Variants in NPTN observed in about 807,000 individuals in gnomAD.
NPTN encodes the protein SDR-1.
NPTN carries 5 observed loss-of-function variants against 42.7 expected under a neutral mutation model. The observed-to-expected ratio is 0.12, with a 90% CI of 0.06 to 0.25. The LOEUF (loss-of-function observed/expected upper bound fraction) is 0.25. Ranked by LOEUF, NPTN falls within the 10% of genes least tolerant of loss-of-function variation. The probability of loss-of-function intolerance (pLI) is 1.00; values close to 1 mark genes in which losing one functional copy is unlikely to be tolerated. For missense variants in NPTN, 307 were observed against 525.4 expected (o/e 0.58, Z 4.06); for synonymous variants, 180 against 201.9 (o/e 0.89, Z 0.92).
intron 1 of NPTN, among the ~76,000 whole-genome samples, chr15:73,598,923 A>G (rs932174155): frequency 7.9e-5 from 12 of 152,226 alleles, no homozygotes; most frequent in African/African-American, 2.9e-4. Context: ...GACTAAGAAC[A>G]TTAATGGAGG....
chr15:73,615,583 T>C (rs1330269895), intron 1 of NPTN, among the ~76,000 whole-genome samples: 1 of 152,188 alleles, frequency 6.6e-6, no homozygotes, highest in African/African-American at 2.4e-5. Context: ...ACACATTTTA[T>C]CTTAGAAAGA....
At chr15:73,619,237 G>A (rs1898011931) in intron 1 of NPTN, among the ~76,000 whole-genome samples, 1 of 152,092 alleles carries the variant, frequency 6.6e-6, no homozygotes, top group Non-Finnish European at 1.5e-5. Context: ...TTAGATCATT[G>A]TCTTAATTAC....
intron 6 of NPTN, among the ~76,000 whole-genome samples, chr15:73,564,895 C>G (rs749736680): frequency 8.5e-5 from 13 of 152,198 alleles, no homozygotes; most frequent in Non-Finnish European, 1.6e-4. Context: ...ATACACCAAT[C>G]TACTCCCAAA....
At chr15:73,601,698 C>A (rs998289453) in intron 1 of NPTN, among the ~76,000 whole-genome samples, 2 of 152,228 alleles carry the variant, frequency 1.3e-5, no homozygotes, top group Non-Finnish European at 2.9e-5. Flanking sequence ...CTCTTCCCCA[C>A]CATCGTCTCC....
At chr15:73,605,388 AT>A (rs1469783331) in intron 1 of NPTN, among the ~76,000 whole-genome samples, 1 of 151,970 alleles carries the variant, frequency 6.6e-6, no homozygotes, top group African/African-American at 2.4e-5. Flanking sequence ...AAAAAAAAAA[AT>A]CTTACAAAAA....
intron 4 of NPTN, among the ~76,000 whole-genome samples, chr15:73,577,246 G>A (rs1895748874): frequency 1.3e-5 from 2 of 152,152 alleles, no homozygotes; most frequent in Non-Finnish European, 2.9e-5. Flanking sequence ...GTTACAAGGT[G>A]GTTCCACTCT....
At chr15:73,576,768 C>T (rs542833686) in intron 4 of NPTN, among the ~76,000 whole-genome samples, 21 of 152,294 alleles carry the variant, frequency 1.4e-4, no homozygotes, top group African/African-American at 4.8e-4. Context: ...ATCTGAGATT[C>T]TTCATGGAAC....
rs567410312 is a variant in NPTN at position 73,595,346 on chromosome 15, A to T, written c.439+1676T>A. ...AGGCGTGCAGGGTAAAAATATTGTT[A>T]AAAAAAAAATCACTGGGTTAATGTT... On this transcript the variant is annotated intron_variant, in intron 2 of 8. Transcript: ENST00000345330. Among the ~76,000 whole-genome samples, 3 of 143,644 alleles carry T rather than the reference A, an allele frequency of 2.1e-5. No individual in the cohort carries two copies. The East Asian group carries it at 5.8e-4, about 28-fold the overall frequency. The allele number at this position is 143,644 out of a possible 152,430, so 94.2% of individuals were successfully genotyped here.
intron 1 of NPTN, among the ~76,000 whole-genome samples, chr15:73,599,168 G>A (rs932227830): frequency 6.6e-6 from 1 of 152,048 alleles, no homozygotes; most frequent in Non-Finnish European, 1.5e-5. Context: ...TCAGATGCAG[G>A]AGAAGCTTTA....
chr15:73,605,636 G>A (rs1215801841), intron 1 of NPTN, among the ~76,000 whole-genome samples: 3 of 149,910 alleles, frequency 2.0e-5, no homozygotes, highest in African/African-American at 7.5e-5. Flanking sequence ...GCTGAGGCAG[G>A]AGAATGAGGT....
At chr15:73,596,877 G>A in intron 2 of NPTN, 145 bp downstream of exon 2, 2 of 680,284 alleles carry the variant, frequency 2.9e-6, no homozygotes, top group South Asian at 4.1e-5. Flanking sequence ...ACTACAACCA[G>A]AAGGGTCATG....
chr15:73,611,750 T>C (rs1013638650), intron 1 of NPTN, among the ~76,000 whole-genome samples: 7 of 152,132 alleles, frequency 4.6e-5, no homozygotes, highest in Admixed American at 4.6e-4. Flanking sequence ...TCCTAAACTG[T>C]GATCTTTGAG....
At chr15:73,629,286 T>A (rs183909612) in intron 1 of NPTN, among the ~76,000 whole-genome samples, 29 of 152,344 alleles carry the variant, frequency 1.9e-4, no homozygotes, top group African/African-American at 5.3e-4. Flanking sequence ...TTTCTTCTGG[T>A]CAAATCTTAT....
intron 4 of NPTN, among the ~76,000 whole-genome samples, chr15:73,583,142 A>G (rs1187824849): frequency 6.6e-6 from 1 of 152,232 alleles, no homozygotes; most frequent in Non-Finnish European, 1.5e-5. Flanking sequence ...CTTAAAGATG[A>G]GCTATCTCAT....
intron 1 of NPTN, among the ~76,000 whole-genome samples, chr15:73,611,842 G>A (rs1340681300): frequency 6.6e-6 from 1 of 152,112 alleles, no homozygotes; most frequent in Non-Finnish European, 1.5e-5. Flanking sequence ...CTGTATGTGT[G>A]TGGGGACAGG....
chr15:73,580,868 C>T (rs1896009297), intron 4 of NPTN, among the ~76,000 whole-genome samples: 1 of 151,994 alleles, frequency 6.6e-6, no homozygotes, highest in Admixed American at 6.6e-5. Flanking sequence ...GACTTGATCT[C>T]GACTCTATTA....
chr15:73,570,244 G>A lies in NPTN; in HGVS notation c.1020C>T (p.Leu340=). The A allele has an allele frequency of 6.2e-7, 1 of 1,614,178 alleles. No homozygotes were observed. The highest frequency in any genetic ancestry group is 8.5e-7 in the Non-Finnish European group (1 of 1,180,030). Residue 340 remains leucine (L), a synonymous_variant, in exon 6 of 9, where the codon CTC becomes CTT. Transcript: ENST00000345330. The surrounding 1 kb of genome is among the most constrained non-coding windows in gnomAD (Gnocchi z 4.0). Reference sequence around the variant, plus strand: ...CAGCCAGAATTCCCAAGAAAGGCCAGAGTGGGGCCAGGTGGCTCCGCACCC... The same window carrying A: ...CAGCCAGAATTCCCAAGAAAGGCCAAAGTGGGGCCAGGTGGCTCCGCACCC... ...VLRVRSHLAP[L]WPFLGILAEI... is the part of the protein sequence containing the mutation.
intron 1 of NPTN, among the ~76,000 whole-genome samples, chr15:73,629,754 G>C (rs938520513): frequency 6.6e-6 from 1 of 151,042 alleles, no homozygotes; most frequent in Non-Finnish European, 1.5e-5. Flanking sequence ...CTGTGTGCCG[G>C]GTACCACACT....
Position 73,561,897 on chromosome 15 carries a change from T to C in NPTN, c.*13A>G, listed in dbSNP as rs1313020236. ...ACTGCTACAGAAGGCCATACTTACA[T>C]TGTAAGCAGTACTTAATTTGTGTTT... On this transcript the variant is annotated splice_region_variant and 3_prime_UTR_variant, in exon 8 of 9. Transcript: ENST00000345330. The C allele has an allele frequency of 5.0e-6, 8 of 1,600,972 alleles. No homozygotes were observed. The highest frequency in any genetic ancestry group is 2.2e-5 in the East Asian group (1 of 44,582).
Sources: gnomAD v4.1 joint callset for allele counts (sites outside exome capture counted in the v4.1 genomes callset) on GRCh38, gnomAD v4.1.1 for gene constraint, Gnocchi (gnomAD v3.1) non-coding constraint, MANE v1.5 for transcripts, NCBI Gene and HGNC (gene_info 2026-07-23, HGNC 2026-07-21) for gene names.